Variants in SPIN1 observed in about 807,000 individuals in gnomAD.
SPIN1 encodes spindlin 1.
SPIN1 carries 3 observed loss-of-function variants against 26.0 expected under a neutral mutation model. That is an observed-to-expected ratio of 0.12 (90% CI 0.05 to 0.30). SPIN1 has a LOEUF of 0.30. Among genes scored for constraint, SPIN1 ranks in the 10% least tolerant of loss-of-function variants. The probability of loss-of-function intolerance (pLI) is 1.00; values close to 1 mark genes in which losing one functional copy is unlikely to be tolerated. For missense variants in SPIN1, 126 were observed against 333.4 expected (o/e 0.38, Z 4.84); for synonymous variants, 101 against 116.5 (o/e 0.87, Z 0.86).
intron 1 of SPIN1, among the ~76,000 whole-genome samples, chr9:88,392,368 A>G (rs1158320470): frequency 6.6e-6 from 1 of 152,198 alleles, no homozygotes; most frequent in African/African-American, 2.4e-5. Flanking sequence ...CAGACTTTAT[A>G]GTCTGATAGA....
chr9:88,426,175 T>G (rs749688001), intron 1 of SPIN1, among the ~76,000 whole-genome samples: 4 of 152,202 alleles, frequency 2.6e-5, no homozygotes, highest in Admixed American at 6.5e-5. Flanking sequence ...GTCCCAGGCT[T>G]CTTTTTTTAA....
chr9:88,394,492 A>T (rs1049409486), intron 1 of SPIN1, among the ~76,000 whole-genome samples: 8 of 152,262 alleles, frequency 5.3e-5, no homozygotes, highest in Admixed American at 1.3e-4. Context: ...CGAATTTAAC[A>T]TCACAGAGTT....
At chr9:88,401,983 C>T (rs1381220157) in intron 1 of SPIN1, among the ~76,000 whole-genome samples, 3 of 152,074 alleles carry the variant, frequency 2.0e-5, no homozygotes, top group Admixed American at 6.6e-5. Flanking sequence ...CATCCATCAC[C>T]TTGAGTATTT....
At chr9:88,441,849 C>T (rs6560090) in intron 2 of SPIN1, among the ~76,000 whole-genome samples, 48,573 of 147,916 alleles carry the variant, frequency 0.33, 15,054 homozygotes, top group African/African-American at 0.81. Context: ...AAATATGTTA[C>T]ATATTTATTA....
intron 4 of SPIN1, among the ~76,000 whole-genome samples, chr9:88,465,692 T>C (rs992564162): frequency 2.6e-5 from 4 of 152,220 alleles, no homozygotes; most frequent in Non-Finnish European, 5.9e-5. Context: ...TCTGGAGACA[T>C]GAGTTTTAAT....
intron 2 of SPIN1, among the ~76,000 whole-genome samples, chr9:88,440,353 T>G (rs1401996540): frequency 6.6e-6 from 1 of 152,060 alleles, no homozygotes; most frequent in Non-Finnish European, 1.5e-5. Flanking sequence ...GAGACAGAGT[T>G]TCACCATGTT....
intron 1 of SPIN1, among the ~76,000 whole-genome samples, chr9:88,389,168 C>A (rs1439769171): frequency 6.6e-6 from 1 of 152,150 alleles, no homozygotes; most frequent in Non-Finnish European, 1.5e-5. Context: ...GGCCAGTCCT[C>A]GCGCCCGCGC....
chr9:88,434,333 A>ATTATAAAATAGTTTATTTTATAAT lies in SPIN1; in HGVS notation c.52+7765_52+7766insTTTATAAAATAGTTTATTTTATAA, dbSNP rs1564031550. Among the ~76,000 whole-genome samples the ATTATAAAATAGTTTATTTTATAAT allele has an allele frequency of 2.5e-3, 294 of 117,748 alleles. 3 individuals are homozygous for ATTATAAAATAGTTTATTTTATAAT. Among genetic ancestry groups the ATTATAAAATAGTTTATTTTATAAT allele is most frequent in the Middle Eastern group, 0.014 (3 of 212 alleles). The allele number at this position is 117,748 out of a possible 152,430, so 77.2% of individuals were successfully genotyped here. A position where few individuals can be genotyped will look rare whatever the true frequency, so the allele number is the denominator to read the frequency against. ...TATAATTTATAAAATTATTTTACAA[A>ATTATAAAATAGTTTATTTTATAAT]TTATAAAATAGTTTATTTTATAAAT... is the stretch of plus-strand genomic sequence containing the variant. On this transcript the variant is annotated intron_variant, in intron 2 of 5. Transcript: ENST00000375859.
At chr9:88,472,924 C>G (rs1443614056) in intron 5 of SPIN1, among the ~76,000 whole-genome samples, 1 of 152,224 alleles carries the variant, frequency 6.6e-6, no homozygotes, top group Non-Finnish European at 1.5e-5. Flanking sequence ...GGCCTTTCTT[C>G]AAACACATGA....
At chr9:88,470,864 G>A (rs190847987) in intron 5 of SPIN1, among the ~76,000 whole-genome samples, 204 of 152,348 alleles carry the variant, frequency 1.3e-3, no homozygotes, top group Non-Finnish European at 2.1e-3. Context: ...AAAGGGCCGG[G>A]ATTACAGACA....
chr9:88,399,029 T>C (rs1255760151), intron 1 of SPIN1, among the ~76,000 whole-genome samples: 1 of 151,146 alleles, frequency 6.6e-6, no homozygotes, highest in Non-Finnish European at 1.5e-5. Context: ...GGAGCTGGCT[T>C]AAGCAGTTTT....
chr9:88,429,813 C>T (rs909486356), intron 2 of SPIN1, among the ~76,000 whole-genome samples: 6 of 152,124 alleles, frequency 3.9e-5, no homozygotes, highest in African/African-American at 1.4e-4. Flanking sequence ...TTAGTCATGC[C>T]TTGGTCCTAC....
intron 1 of SPIN1, among the ~76,000 whole-genome samples, chr9:88,406,377 G>A (rs1827311196): frequency 6.7e-6 from 1 of 149,846 alleles, no homozygotes; most frequent in Non-Finnish European, 1.5e-5. Flanking sequence ...TGCAAGCTCC[G>A]CCTCCCAGGT....
At chr9:88,465,955 G>A (rs1270015189) in intron 4 of SPIN1, among the ~76,000 whole-genome samples, 1 of 152,092 alleles carries the variant, frequency 6.6e-6, no homozygotes, top group South Asian at 2.1e-4. Context: ...CTAGACATTA[G>A]GAGATTTGCA....
chr9:88,430,423 A>C (rs924124058), intron 2 of SPIN1, among the ~76,000 whole-genome samples: 1 of 152,168 alleles, frequency 6.6e-6, no homozygotes, highest in Non-Finnish European at 1.5e-5. Flanking sequence ...ACTGCATTCT[A>C]TTCATTGAGG....
intron 3 of SPIN1, among the ~76,000 whole-genome samples, chr9:88,460,135 T>G (rs1287418263): frequency 6.6e-6 from 1 of 152,230 alleles, no homozygotes; most frequent in Non-Finnish European, 1.5e-5. Context: ...TTTCTTCAAT[T>G]ACGATTTTTA....
chr9:88,391,595 T>A (rs1289993102), intron 1 of SPIN1: 1 of 152,216 alleles, frequency 6.6e-6, no homozygotes, highest in African/African-American at 2.4e-5. Context: ...CTTCTACTCC[T>A]GAGGCAAGCC....
At chr9:88,468,345 C>CTTTT (rs10541463) in intron 4 of SPIN1, 27 bp from the exon 5 acceptor site, 23 of 1,318,566 alleles carry the variant, frequency 1.7e-5, no homozygotes, top group Admixed American at 5.8e-5. Flanking sequence ...ACTTTGTCAA[C>CTTTT]TTTTTTTTTT....
At chr9:88,397,157 C>G (rs566538980) in intron 1 of SPIN1, among the ~76,000 whole-genome samples, 8 of 152,128 alleles carry the variant, frequency 5.3e-5, no homozygotes, top group African/African-American at 1.7e-4. Context: ...AGTAATTTAC[C>G]TTAGCTTACT....
Sources: allele counts gnomAD v4.1 joint callset (sites outside exome capture counted in the v4.1 genomes callset), GRCh38; gene constraint gnomAD v4.1.1; transcripts MANE v1.5; gene names NCBI Gene and HGNC (gene_info 2026-07-23, HGNC 2026-07-21).